RABEP2: variants seen among roughly 807,000 people sequenced by gnomAD.
RABEP2 encodes the protein rab GTPase-binding effector protein 2.
A neutral mutation model predicts 74.1 loss-of-function variants in RABEP2; 57 were observed. That is an observed-to-expected ratio of 0.77 (90% CI 0.62 to 0.96). The LOEUF (loss-of-function observed/expected upper bound fraction) is 0.96. Ranked by LOEUF, RABEP2 falls within the 40% of genes least tolerant of loss-of-function variation. The probability of loss-of-function intolerance (pLI) is 0.00; values close to 1 mark genes in which losing one functional copy is unlikely to be tolerated. For missense variants in RABEP2, 692 were observed against 756.3 expected, an observed-to-expected ratio of 0.91 and a Z score of 1.00; for synonymous variants, 351 against 344.0, an observed-to-expected ratio of 1.02 and a Z score of -0.23.
At chr16:28,924,946 C>A (rs752326915) in intron 1 of RABEP2, 157 bp downstream of exon 1, 2 of 952,170 alleles carry the variant, frequency 2.1e-6, no homozygotes, top group South Asian at 1.4e-5. Flanking sequence ...GGGCCACGCC[C>A]CCTTTTGCCT....
chr16:28,909,975 G>C lies in RABEP2; in HGVS notation c.1089+913C>G, dbSNP rs180889257. Among the ~76,000 whole-genome samples the C allele has an allele frequency of 1.1e-3, 165 of 145,056 alleles. 1 individual carries two copies. The highest frequency in any genetic ancestry group is 4.1e-3 in the African/African-American group (159 of 39,120). On this transcript the variant is annotated intron_variant, in intron 7 of 12. Coordinates refer to ENST00000358201, the MANE Select transcript of RABEP2 (RefSeq NM_024816.3). Reference sequence around the variant, plus strand: ...ATCTGGGAGGCAGAGCTTGCAGTGAGCCGAGATCGTGCCACTGCACTCCAG... The same window carrying C: ...ATCTGGGAGGCAGAGCTTGCAGTGACCCGAGATCGTGCCACTGCACTCCAG...
At position 28,904,673 on chromosome 16, in the gene RABEP2, C is replaced by T; in HGVS notation, c.*270G>A. On this transcript the variant is annotated 3_prime_UTR_variant, in exon 13 of 13. Coordinates refer to ENST00000358201, the MANE Select transcript of RABEP2 (RefSeq NM_024816.3). ...GAGGGCTGGAGCCCAGGAGGCAGCA[C>T]AGCAGCCAGAAAGCCGCAGGCCTGA... 1.4e-6 allele frequency: 1 copy of T among 693,566 alleles called. No individual in the cohort carries two copies. The highest frequency in any genetic ancestry group is 2.3e-6 in the Non-Finnish European group (1 of 443,178). 43.0% of individuals were successfully genotyped at this position (693,566 alleles called of 1,614,324 possible). A position where few individuals can be genotyped will look rare whatever the true frequency, so the allele number is the denominator to read the frequency against.
chr16:28,918,745 T>C (rs1421301280), intron 3 of RABEP2, among the ~76,000 whole-genome samples: 1 of 152,056 alleles, frequency 6.6e-6, no homozygotes, highest in Non-Finnish European at 1.5e-5. Flanking sequence ...GCTTGATTTC[T>C]GGCTCAAGTG....
rs116449966 is a variant in RABEP2, at chr16:28,905,360, G to A, written c.1608+37C>T. The A allele has an allele frequency of 9.7e-4, 1,466 of 1,511,318 alleles. 6 individuals carry two copies. The African/African-American group carries it at 0.012, about 12-fold the overall frequency. The allele number at this position is 1,511,318 out of a possible 1,614,324, so 93.6% of individuals were successfully genotyped here. On this transcript the variant is annotated intron_variant, in intron 12 of 12. Coordinates refer to ENST00000358201, the MANE Select transcript of RABEP2 (RefSeq NM_024816.3). ...GACCCAGGAGAGGTCACCCGGAGTGGAGCCAGCCAGCCTGGCGGGGCTGGG... is the reference window on the plus strand; with the variant it reads ...GACCCAGGAGAGGTCACCCGGAGTGAAGCCAGCCAGCCTGGCGGGGCTGGG...
In RABEP2 at chr16:28,924,624, G is replaced by T. The variant is rs760868273; in HGVS notation, c.62-9C>A. On this transcript the variant is annotated splice_polypyrimidine_tract_variant and intron_variant, in intron 1 of 12. Transcript: ENST00000358201. The stretch of plus-strand genomic sequence containing the variant: ...CCGGGAGTCCTCCAGTGCTGTGGGG[G>T]ACAGGGATCAGCCTCTCTTCCCATC... The T allele has an allele frequency of 1.2e-6, 2 of 1,606,076 alleles. No individual in the cohort carries two copies.
At chr16:28,921,039 T>C (rs1332176011) in intron 2 of RABEP2, 1 of 369,982 alleles carries the variant, frequency 2.7e-6, no homozygotes, top group Non-Finnish European at 5.4e-6. Context: ...AATTTTTGTA[T>C]TTTTTGTAGA....
At chr16:28,911,019 G>C (rs1179774752) in intron 6 of RABEP2, 33 bp from the exon 7 acceptor site, 1 of 1,610,236 alleles carries the variant, frequency 6.2e-7, no homozygotes, top group Admixed American at 1.7e-5. Context: ...GTGAGGGCAA[G>C]GGCATGTCAG....
At chr16:28,921,305 G>A (rs1964465574) in intron 2 of RABEP2, 4 of 454,322 alleles carry the variant, frequency 8.8e-6, no homozygotes, top group South Asian at 4.7e-5. Context: ...TTAGGATGCA[G>A]TATGGGAAGA....
chr16:28,907,885 C>T (rs1023164134), intron 8 of RABEP2, among the ~76,000 whole-genome samples: 13 of 152,146 alleles, frequency 8.5e-5, no homozygotes, highest in Non-Finnish European at 1.5e-4. Context: ...CTGCAACCTC[C>T]GCCTCCTGGG....
intron 3 of RABEP2, among the ~76,000 whole-genome samples, chr16:28,915,159 C>A (rs1480730707): frequency 6.8e-6 from 1 of 147,966 alleles, no homozygotes; most frequent in African/African-American, 2.5e-5. Flanking sequence ...CTCCTGGGTT[C>A]AAGCCATTCT....
At chr16:28,918,217 C>T (rs572264142) in intron 3 of RABEP2, among the ~76,000 whole-genome samples, 1 of 151,678 alleles carries the variant, frequency 6.6e-6, no homozygotes, top group East Asian at 2.0e-4. Context: ...GTAGCTGGGA[C>T]TACAGGCGCC....
intron 7 of RABEP2, among the ~76,000 whole-genome samples, chr16:28,910,052 TAGG>T (rs1170570375): frequency 2.0e-3 from 243 of 123,796 alleles, no homozygotes; most frequent in African/African-American, 6.9e-3. Flanking sequence ...AAAAAAAAAA[TAGG>T]AGACAATACA....
At chr16:28,905,644 G>C (rs945915072) in intron 11 of RABEP2, 60 bp downstream of exon 11, 1 of 1,557,304 alleles carries the variant, frequency 6.4e-7, no homozygotes, top group Non-Finnish European at 8.8e-7. Context: ...GGAGGGGTGG[G>C]GGAGGGTCTT....
chr16:28,924,302 G>T, intron 2 of RABEP2, 101 bp downstream of exon 2: 1 of 1,235,802 alleles, frequency 8.1e-7, no homozygotes, highest in Non-Finnish European at 1.1e-6. Flanking sequence ...AGGCAGCCCT[G>T]CTAACCTATC....
intron 9 of RABEP2, 62 bp from the exon 10 acceptor site, chr16:28,905,940 C>T (rs1000025229): frequency 5.0e-5 from 81 of 1,612,728 alleles, no homozygotes; most frequent in Non-Finnish European, 6.1e-5. Context: ...CTGCTGCCCA[C>T]GCCTGGGCCC....
Position 28,924,518 on chromosome 16 carries a change from T to G in RABEP2, c.159A>C (p.Glu53Asp). The change falls in exon 2 of 13, where the codon GAA (glutamate) becomes GAC (aspartate). Residue 53 changes from glutamate (E) to aspartate (D), a missense_variant. Glu to Asp is a conservative substitution (Grantham distance 45). Transcript: ENST00000358201. ...CTGCCACAGCCTTCATGGTTTCCAT[T>G]TCTGCCAGGGCGCCTGCCAGCTCAG... ...LRAELAGALA[E>D]METMKAVAEV... is the part of the protein sequence containing the mutation. 6.2e-7 allele frequency: 1 copy of G among 1,614,070 alleles called. No homozygotes were observed. Among genetic ancestry groups the G allele is most frequent in the Non-Finnish European group, 8.5e-7 (1 of 1,180,016 alleles).
rs1001223863 is a variant in RABEP2, at chr16:28,908,539, G to A, written c.1245+70C>T. The A allele has an allele frequency of 2.5e-5, 38 of 1,495,842 alleles. 1 individual carries two copies. The East Asian group carries it at 7.5e-4, about 29-fold the overall frequency. 92.7% of individuals were successfully genotyped at this position (1,495,842 alleles called of 1,614,324 possible). Reference sequence around the variant, plus strand: ...AGCACCCTGGCTGGTCGTGACCAACGCTCTGCCCTGCCTGGGAAGAAGGGG... The same window carrying A: ...AGCACCCTGGCTGGTCGTGACCAACACTCTGCCCTGCCTGGGAAGAAGGGG... On this transcript the variant is annotated intron_variant, in intron 8 of 12. Transcript: ENST00000358201.
intron 7 of RABEP2, 38 bp downstream of exon 7, chr16:28,910,850 C>T: frequency 6.4e-7 from 1 of 1,553,840 alleles, no homozygotes; most frequent in Non-Finnish European, 8.8e-7. Flanking sequence ...TCCTGCTGGA[C>T]TCCTCGCCCT....
chr16:28,912,119 G>A (rs940456623), intron 5 of RABEP2, among the ~76,000 whole-genome samples: 2 of 150,778 alleles, frequency 1.3e-5, no homozygotes, highest in South Asian at 2.1e-4. Flanking sequence ...GGTGGCAGGC[G>A]CCTGTAGTCC....
Sources: gnomAD v4.1 joint callset for allele counts (sites outside exome capture counted in the v4.1 genomes callset) on GRCh38, gnomAD v4.1.1 for gene constraint, MANE v1.5 for transcripts, NCBI Gene and HGNC (gene_info 2026-07-23, HGNC 2026-07-21) for gene names.